COL5A1: variants seen among roughly 807,000 people sequenced by gnomAD.
The protein encoded by COL5A1 is collagen alpha-1(V) chain.
Under a neutral mutation model 263.7 loss-of-function variants are expected in COL5A1, and 16 were observed. The ratio of observed to expected loss-of-function variants is 0.06; its 90% confidence interval spans 0.04 to 0.09. COL5A1 has a LOEUF of 0.09. COL5A1 is among the 10% of genes least tolerant of loss of function. The pLI is 1.00. For missense variants in COL5A1, 2,036 were observed against 2,540.5 expected (o/e 0.80, Z 4.27); for synonymous variants, 1,012 against 1,004.5 (o/e 1.01, Z -0.14).
In COL5A1 at chr9:134,795,384, G is replaced by C. The variant is rs1446472139; in HGVS notation, c.2799+69G>C. On this transcript the variant is annotated intron_variant, in intron 34 of 65. Coordinates refer to ENST00000371817, the MANE Select transcript of COL5A1 (RefSeq NM_000093.5). ...TTGCAAGGCTACAGAGACGTGGAGC[G>C]TCTGAGGGTGTCTGTGACCTTTTTT... The C allele has an allele frequency of 2.3e-6, 3 of 1,296,140 alleles. No homozygotes were observed. The African/African-American group carries it at 4.5e-5, about 19-fold the overall frequency. 80.3% of individuals were successfully genotyped at this position (1,296,140 alleles called of 1,614,324 possible). A position where few individuals can be genotyped will look rare whatever the true frequency, so the allele number is the denominator to read the frequency against.
rs979524632 is a variant in COL5A1, at chr9:134,805,285, G to A, written c.3258+71G>A. The A allele has an allele frequency of 2.3e-5, 35 of 1,554,960 alleles. No homozygotes were observed. The African/African-American group carries it at 4.5e-4, about 20-fold the overall frequency. On this transcript the variant is annotated intron_variant, in intron 41 of 65. Transcript: ENST00000371817. ...CCAGGTCAGAAGGGGCAGTCCCCGA[G>A]AGCCCAGAGCATGCAGCTGCCCCAG...
Position 134,818,151 on chromosome 9 carries a change from C to T in COL5A1, c.4230+320C>T, listed in dbSNP as rs951302622. ...GCGACCTCATGCCTGGTCTTTGAGT[C>T]GGCCAGACCTGAGCCGCCTACCTCT... On this transcript the variant is annotated intron_variant, in intron 54 of 65. Coordinates refer to ENST00000371817, the MANE Select transcript of COL5A1 (RefSeq NM_000093.5). This position sits in a 1 kb window ranked among gnomAD's most constrained non-coding sequence, Gnocchi z 6.0. 9.2e-5 allele frequency among the ~76,000 whole-genome samples: 14 copies of T among 152,192 alleles called. No homozygotes were observed. Among genetic ancestry groups the T allele is most frequent in the African/African-American group, 1.9e-4 (8 of 41,448 alleles).
In COL5A1 at chr9:134,731,688, C is replaced by T. The variant is rs56385965; in HGVS notation, c.1332+25C>T. The T allele has an allele frequency of 0.21, 334,239 of 1,596,236 alleles. 37,503 individuals are homozygous for T. Among genetic ancestry groups the T allele is most frequent in the East Asian group, 0.43 (19,341 of 44,582 alleles). On this transcript the variant is annotated intron_variant, in intron 8 of 65. Transcript: ENST00000371817. ...GGTGAGAGGGTGCAGGCCCCCGTTC[C>T]GGGTGGGGTTGGGGGGCTGGTGGGG... is the stretch of plus-strand genomic sequence containing the variant.
Position 134,758,407 on chromosome 9 carries a change from G to A in COL5A1, c.1935+111G>A, listed in dbSNP as rs1420798018. ...AGATTTCCTGTGGGGTCAGGTCTCC[G>A]CCATTCCAACAGTCAGTATACAAAC... On this transcript the variant is annotated intron_variant, in intron 18 of 65. Transcript: ENST00000371817. The surrounding 1 kb of genome is among the most constrained non-coding windows in gnomAD (Gnocchi z 4.1). 24 of 1,084,890 alleles carry A rather than the reference G, an allele frequency of 2.2e-5. No individual in the cohort carries two copies. Among genetic ancestry groups the A allele is most frequent in the Admixed American group, 1.9e-4 (10 of 53,298 alleles). The allele number at this position is 1,084,890 out of a possible 1,614,324, so 67.2% of individuals were successfully genotyped here.
chr9:134,647,374 T>TGC lies in COL5A1; in HGVS notation c.109+5079_109+5080insCG, dbSNP rs1831508120. Among the ~76,000 whole-genome samples the TGC allele has an allele frequency of 1.3e-5, 2 of 151,570 alleles. No individual in the cohort carries two copies. The highest frequency in any genetic ancestry group is 2.9e-5 in the Non-Finnish European group (2 of 68,012). On this transcript the variant is annotated intron_variant, in intron 1 of 65. Coordinates refer to ENST00000371817, the MANE Select transcript of COL5A1 (RefSeq NM_000093.5). The surrounding 1 kb of genome is among the most constrained non-coding windows in gnomAD (Gnocchi z 5.0). Reference sequence around the variant, plus strand: ...TGCGTTTGTGTGTATGTGTGTCATGTGTGCGTGTGTGTGTGTGTGTGTCAG... The same window carrying TGC: ...TGCGTTTGTGTGTATGTGTGTCATGTGCGTGCGTGTGTGTGTGTGTGTGTCAG...
intron 32 of COL5A1, among the ~76,000 whole-genome samples, chr9:134,793,738 G>A (rs1481169769): frequency 2.6e-5 from 4 of 152,144 alleles, no homozygotes; most frequent in East Asian, 1.9e-4. Context: ...GGGCATCCTC[G>A]CCTGTAGAAC....
chr9:134,837,546 G>T (rs946710097), intron 65 of COL5A1, among the ~76,000 whole-genome samples: 1 of 151,934 alleles, frequency 6.6e-6, no homozygotes, highest in Non-Finnish European at 1.5e-5. Context: ...ACTTCTGCGA[G>T]GTCCCAGAAG....
At chr9:134,665,948 G>A (rs1832342429) in intron 1 of COL5A1, among the ~76,000 whole-genome samples, 1 of 152,166 alleles carries the variant, frequency 6.6e-6, no homozygotes, top group Admixed American at 6.5e-5. Context: ...ACTAGCTGGT[G>A]TGGTGGCACA....
intron 11 of COL5A1, among the ~76,000 whole-genome samples, chr9:134,745,670 C>T (rs1396571285): frequency 6.6e-6 from 1 of 152,118 alleles, no homozygotes; most frequent in African/African-American, 2.4e-5. Context: ...CAGTAGGAAC[C>T]CTCTCAATGA....
chr9:134,768,366 G>C (rs200884150), intron 24 of COL5A1, 44 bp from the exon 25 acceptor site: 3 of 1,566,104 alleles, frequency 1.9e-6, no homozygotes, highest in African/African-American at 2.7e-5. Flanking sequence ...GGTCAGGTGA[G>C]CCTAGGGAGG....
chr9:134,666,962 G>C (rs552289236), intron 1 of COL5A1, among the ~76,000 whole-genome samples: 29 of 152,364 alleles, frequency 1.9e-4, no homozygotes, highest in Middle Eastern at 3.4e-3. Flanking sequence ...CATGACCCCA[G>C]TGCTGATGAC....
chr9:134,664,691 G>A (rs1439876822), intron 1 of COL5A1, among the ~76,000 whole-genome samples: 3 of 152,372 alleles, frequency 2.0e-5, no homozygotes, highest in Admixed American at 2.0e-4. Flanking sequence ...TGTGACACTG[G>A]CTCCTGTGAG....
chr9:134,690,261 C>T lies in COL5A1; in HGVS notation c.110-651C>T, dbSNP rs575455630. On this transcript the variant is annotated intron_variant, in intron 1 of 65. Transcript: ENST00000371817. ...CTTCCAGGGCAATGGAAACTGCACA[C>T]CCGCTGTAAACGGTCATGGGAAGGC... Among the ~76,000 whole-genome samples the T allele has an allele frequency of 2.0e-5, 3 of 152,286 alleles. No individual in the cohort carries two copies. The South Asian group carries it at 6.2e-4, about 32-fold the overall frequency.
Position 134,834,956 on chromosome 9 carries a change from C to A in COL5A1, c.5137-15C>A. 15 of 1,596,474 alleles carry A rather than the reference C, an allele frequency of 9.4e-6. No individual in the cohort carries two copies. Among genetic ancestry groups the A allele is most frequent in the Non-Finnish European group, 1.3e-5 (15 of 1,166,446 alleles). On this transcript the variant is annotated splice_polypyrimidine_tract_variant and intron_variant, in intron 64 of 65. Coordinates refer to ENST00000371817, the MANE Select transcript of COL5A1 (RefSeq NM_000093.5). ...GTCCCCACCCTGCTGAGCCCCAACA[C>A]CCCTGTCCCCCCAGCTCTCCTATGT...
rs201989681 is a variant in COL5A1, at chr9:134,765,774, G to A, written c.2088+40G>A. 217 of 1,568,734 alleles carry A rather than the reference G, an allele frequency of 1.4e-4. No individual in the cohort carries two copies. Among genetic ancestry groups the A allele is most frequent in the East Asian group, 2.3e-4 (10 of 44,376 alleles). On this transcript the variant is annotated intron_variant, in intron 21 of 65. Transcript: ENST00000371817. This position sits in a 1 kb window ranked among gnomAD's most constrained non-coding sequence, Gnocchi z 5.1. The stretch of plus-strand genomic sequence containing the variant: ...CGCCCTGCTTGTCTGCCCCCATCTC[G>A]GCCTTTGAGACCCCGCCTCCCAGCC...
In COL5A1 at chr9:134,699,958, G is replaced by T; in HGVS notation, c.327G>T (p.Lys109Asn). The change falls in exon 3 of 66, where the codon AAG becomes AAT. Residue 109 changes from lysine (K) to asparagine (N), a missense_variant. This residue lies in a region of COL5A1 where 600 missense variants were observed against 634.5 expected (regional missense o/e 0.95). Coordinates refer to ENST00000371817, the MANE Select transcript of COL5A1 (RefSeq NM_000093.5). ...DFSILTTVKA[K>N]KGSQAFLVSI... ...CCATCCTAACAACTGTGAAAGCCAA[G>T]AAAGGCAGCCAGGCCTTCCTGGTCT... 6.2e-7 allele frequency: 1 copy of T among 1,613,988 alleles called. No homozygotes were observed.
At chr9:134,649,443 C>T (rs199548998) in intron 1 of COL5A1, 13 of 463,870 alleles carry the variant, frequency 2.8e-5, no homozygotes, top group Middle Eastern at 6.6e-4. Flanking sequence ...GCCTATTTGC[C>T]GAGATGTCTC....
intron 18 of COL5A1, among the ~76,000 whole-genome samples, chr9:134,759,650 G>GCA (rs1564438410): frequency 1.1e-5 from 1 of 87,846 alleles, no homozygotes; most frequent in Non-Finnish European, 1.9e-5. Flanking sequence ...ATACACACAT[G>GCA]CACACATACG....
intron 29 of COL5A1, among the ~76,000 whole-genome samples, chr9:134,783,211 G>A (rs1344716122): frequency 6.6e-6 from 1 of 152,224 alleles, no homozygotes; most frequent in Non-Finnish European, 1.5e-5. Flanking sequence ...GGAGCGTCCT[G>A]GTCCCCAGAC....
Sources: gnomAD v4.1 joint callset for allele counts (sites outside exome capture counted in the v4.1 genomes callset) on GRCh38, gnomAD v4.1.1 for gene constraint, gnomAD v4.1.1 regional missense constraint, Gnocchi (gnomAD v3.1) non-coding constraint, MANE v1.5 for transcripts, NCBI Gene and HGNC (gene_info 2026-07-23, HGNC 2026-07-21) for gene names.